NCKAP5: variants seen among roughly 807,000 people sequenced by gnomAD.
NCKAP5 encodes the protein NCK associated protein 5, also known as nck-associated protein 5.
A neutral mutation model predicts 167.0 loss-of-function variants in NCKAP5; 92 were observed. That is an observed-to-expected ratio of 0.55 (90% CI 0.47 to 0.66). NCKAP5 has a LOEUF of 0.66. Ranked by LOEUF, NCKAP5 falls within the 30% of genes least tolerant of loss-of-function variation. The pLI is 0.00. For missense variants in NCKAP5, 2,378 were observed against 2,315.0 expected, an observed-to-expected ratio of 1.03 and a Z score of -0.56; for synonymous variants, 891 against 877.4, an observed-to-expected ratio of 1.02 and a Z score of -0.27.
intron 2 of NCKAP5, among the ~76,000 whole-genome samples, chr2:133,541,577 A>G (rs1339073070): frequency 6.6e-6 from 1 of 152,184 alleles, no homozygotes; most frequent in Non-Finnish European, 1.5e-5. Context: ...TAATATGTGG[A>G]CTGGAGGCAA....
At chr2:132,996,084 A>C (rs1259800064) in intron 6 of NCKAP5, among the ~76,000 whole-genome samples, 1 of 152,178 alleles carries the variant, frequency 6.6e-6, no homozygotes, top group African/African-American at 2.4e-5. Context: ...GGCCAACAGG[A>C]ATTTTTCAGC....
At chr2:132,678,574 G>A (rs574129483) in intron 19 of NCKAP5, among the ~76,000 whole-genome samples, 2 of 152,232 alleles carry the variant, frequency 1.3e-5, no homozygotes, top group Admixed American at 6.5e-5. Context: ...TAGGAAAATA[G>A]CCCTATTTAT....
At chr2:132,963,639 C>A in intron 8 of NCKAP5, 81 bp downstream of exon 8, 1 of 1,394,734 alleles carries the variant, frequency 7.2e-7, no homozygotes, top group Non-Finnish European at 1.0e-6. Flanking sequence ...AAGATTTATA[C>A]TCACTCAAAA....
At chr2:133,492,876 G>A (rs543652822) in intron 3 of NCKAP5, among the ~76,000 whole-genome samples, 1 of 152,294 alleles carries the variant, frequency 6.6e-6, no homozygotes, top group Admixed American at 6.5e-5. Flanking sequence ...ACCAGGGAGT[G>A]GTGAAAGCCA....
intron 4 of NCKAP5, among the ~76,000 whole-genome samples, chr2:133,276,068 T>A (rs1377635292): frequency 1.3e-5 from 2 of 152,046 alleles, no homozygotes; most frequent in African/African-American, 4.8e-5. Flanking sequence ...TCAGCCCATT[T>A]ACTGTGAAGA....
chr2:133,565,336 C>T (rs1378780604), intron 1 of NCKAP5, among the ~76,000 whole-genome samples: 1 of 152,216 alleles, frequency 6.6e-6, no homozygotes, highest in African/African-American at 2.4e-5. Flanking sequence ...ATAACTGTAG[C>T]TAATACTCAT....
chr2:133,648,875 AGAAG>A, the NCKAP5 span, among the ~76,000 whole-genome samples: 3 of 151,856 alleles, frequency 2.0e-5, no homozygotes, highest in South Asian at 4.2e-4. Flanking sequence ...CAACTTTAGC[AGAAG>A]GAAGGAAGTA....
chr2:133,330,276 G>A, intron 3 of NCKAP5, among the ~76,000 whole-genome samples: 1 of 140,364 alleles, frequency 7.1e-6, no homozygotes, highest in East Asian at 2.0e-4. Flanking sequence ...GTAGAGATGG[G>A]GTTTCACCAT....
chr2:132,925,102 C>T (rs913460703), intron 8 of NCKAP5, among the ~76,000 whole-genome samples: 4 of 151,884 alleles, frequency 2.6e-5, no homozygotes, highest in Non-Finnish European at 5.9e-5. Flanking sequence ...GGACCAGTTT[C>T]GTGGAAGATA....
chr2:133,110,553 G>A (rs1417616513), intron 6 of NCKAP5, among the ~76,000 whole-genome samples: 6 of 152,148 alleles, frequency 3.9e-5, no homozygotes, highest in Non-Finnish European at 8.8e-5. Flanking sequence ...GTCTGTTAGG[G>A]CGAGAAAAAG....
At chr2:133,668,341 T>C in the NCKAP5 span, among the ~76,000 whole-genome samples, 5 of 152,044 alleles carry the variant, frequency 3.3e-5, no homozygotes, top group Non-Finnish European at 7.3e-5. Flanking sequence ...CGCTTAGCAT[T>C]TTGAGGAACT....
At chr2:133,543,992 T>G (rs1275263080) in intron 2 of NCKAP5, among the ~76,000 whole-genome samples, 2 of 152,246 alleles carry the variant, frequency 1.3e-5, no homozygotes. Context: ...CTTATCTTGT[T>G]TGAAATGAAG....
chr2:133,398,858 A>G lies in NCKAP5; in HGVS notation c.70-95748T>C, dbSNP rs79543332. Among the ~76,000 whole-genome samples, 1,208 of 152,302 alleles carry G rather than the reference A, an allele frequency of 7.9e-3. 14 individuals carry two copies. The highest frequency in any genetic ancestry group is 0.012 in the Non-Finnish European group (807 of 68,034). On this transcript the variant is annotated intron_variant, in intron 3 of 19. Transcript: ENST00000409261. The stretch of plus-strand genomic sequence containing the variant: ...AGCACCCTTCACTGAGAGGCCCGAC[A>G]GGGTTTAAACACTTGACTTAAACTT...
At chr2:133,658,605 T>C in the NCKAP5 span, among the ~76,000 whole-genome samples, 10 of 152,074 alleles carry the variant, frequency 6.6e-5, no homozygotes, top group Non-Finnish European at 1.5e-4. Context: ...CCAAACACTC[T>C]CATCTGTTTC....
intron 3 of NCKAP5, among the ~76,000 whole-genome samples, chr2:133,445,326 C>T (rs183574585): frequency 6.6e-6 from 1 of 152,024 alleles, no homozygotes; most frequent in African/African-American, 2.4e-5. Context: ...AAAATAAAAT[C>T]CAAAGCAACT....
chr2:132,794,307 G>GAGAGA, intron 12 of NCKAP5, among the ~76,000 whole-genome samples: 1 of 101,242 alleles, frequency 9.9e-6, no homozygotes, highest in East Asian at 3.0e-4. Flanking sequence ...GAGAGAGAGA[G>GAGAGA]GGTGGCGGGA....
intron 5 of NCKAP5, among the ~76,000 whole-genome samples, chr2:133,133,760 T>C (rs1269932513): frequency 6.6e-6 from 1 of 152,206 alleles, no homozygotes; most frequent in African/African-American, 2.4e-5. Flanking sequence ...TTCATTACTG[T>C]ATTCAGTCTT....
At chr2:132,825,350 A>G (rs912923573) in intron 11 of NCKAP5, among the ~76,000 whole-genome samples, 2 of 152,298 alleles carry the variant, frequency 1.3e-5, no homozygotes, top group East Asian at 1.9e-4. Context: ...ACAGTTTATG[A>G]CCAGCCTTGT....
intron 6 of NCKAP5, among the ~76,000 whole-genome samples, chr2:133,029,033 C>T (rs906078943): frequency 6.6e-6 from 1 of 152,156 alleles, no homozygotes; most frequent in Non-Finnish European, 1.5e-5. Flanking sequence ...ACTATGCTTC[C>T]TATACAGCCT....
Sources: gnomAD v4.1 joint callset for allele counts (sites outside exome capture counted in the v4.1 genomes callset) on GRCh38, gnomAD v4.1.1 for gene constraint, MANE v1.5 for transcripts, NCBI Gene and HGNC (gene_info 2026-07-23, HGNC 2026-07-21) for gene names.